Variants in GALNT13 observed in about 807,000 individuals in gnomAD.
The protein encoded by GALNT13 is UDP-GalNAc:polypeptide N-acetylgalactosaminyltransferase 13.
In GALNT13, 28 loss-of-function variants were observed where a neutral mutation model predicts 64.2. That is an observed-to-expected ratio of 0.44 (90% CI 0.32 to 0.60). The LOEUF is 0.60. GALNT13 is among the 20% of genes least tolerant of loss of function. GALNT13 has a pLI of 0.05. For synonymous variants in GALNT13, 214 were observed against 224.6 expected, an observed-to-expected ratio of 0.95 and a Z score of 0.42; for missense variants, 577 against 669.8, an observed-to-expected ratio of 0.86 and a Z score of 1.53.
intron 12 of GALNT13, among the ~76,000 whole-genome samples, chr2:154,449,056 G>A (rs948601034): frequency 4.6e-5 from 7 of 151,818 alleles, no homozygotes; most frequent in African/African-American, 1.5e-4. Context: ...CTGGCTACTG[G>A]TTGAATTTCT....
At chr2:154,003,702 G>A (rs866954809) in intron 3 of GALNT13, among the ~76,000 whole-genome samples, 3 of 152,084 alleles carry the variant, frequency 2.0e-5, no homozygotes, top group African/African-American at 7.2e-5. Flanking sequence ...CAGGTGATTG[G>A]ATCATAGGGG....
chr2:154,164,856 T>G (rs185860908), intron 4 of GALNT13, among the ~76,000 whole-genome samples: 41 of 152,130 alleles, frequency 2.7e-4, no homozygotes, highest in Non-Finnish European at 5.4e-4. Context: ...AAAAAACAAG[T>G]TTTTGGTTTA....
At chr2:154,034,823 G>A (rs1207897114) in intron 3 of GALNT13, among the ~76,000 whole-genome samples, 3 of 139,968 alleles carry the variant, frequency 2.1e-5, no homozygotes, top group East Asian at 2.0e-4. Context: ...GCTCAACACC[G>A]CTAATCACAG....
chr2:153,254,030 T>C, the GALNT13 span, among the ~76,000 whole-genome samples: 2 of 152,172 alleles, frequency 1.3e-5, no homozygotes, highest in Non-Finnish European at 2.9e-5. Context: ...TTGGAATAAT[T>C]TCAGAAGGAA....
chr2:153,409,300 A>ATG, the GALNT13 span, among the ~76,000 whole-genome samples: 1 of 144,092 alleles, frequency 6.9e-6, no homozygotes, highest in African/African-American at 2.7e-5. Flanking sequence ...ATATGTATGT[A>ATG]TATATATATA....
chr2:154,075,542 A>G (rs1700944194), intron 3 of GALNT13, among the ~76,000 whole-genome samples: 1 of 151,828 alleles, frequency 6.6e-6, no homozygotes, highest in Non-Finnish European at 1.5e-5. Context: ...AATTCCTGTC[A>G]TTGTTGATCA....
chr2:154,097,764 G>A (rs184435288), intron 3 of GALNT13, among the ~76,000 whole-genome samples: 265 of 151,978 alleles, frequency 1.7e-3, no homozygotes, highest in Middle Eastern at 0.01. Context: ...CTTAAGAAAC[G>A]TCCATTACTA....
chr2:153,937,133 A>G (rs1303525288), intron 2 of GALNT13, among the ~76,000 whole-genome samples: 2 of 152,224 alleles, frequency 1.3e-5, no homozygotes, highest in Non-Finnish European at 2.9e-5. Context: ...ACACCTAGGT[A>G]TATACCCACG....
At chr2:154,229,727 CAGCTA>C (rs1688815374) in intron 4 of GALNT13, among the ~76,000 whole-genome samples, 1 of 151,976 alleles carries the variant, frequency 6.6e-6, no homozygotes, top group Admixed American at 6.6e-5. Flanking sequence ...AGGCATTCTA[CAGCTA>C]GAAAGAGTTA....
the GALNT13 span, among the ~76,000 whole-genome samples, chr2:153,493,968 G>C: frequency 6.6e-6 from 1 of 151,802 alleles, no homozygotes; most frequent in African/African-American, 2.4e-5. Context: ...TACAAGCACG[G>C]CTCCACCATC....
At chr2:153,497,913 A>G in the GALNT13 span, among the ~76,000 whole-genome samples, 1 of 152,222 alleles carries the variant, frequency 6.6e-6, no homozygotes, top group Admixed American at 6.5e-5. Context: ...TTTGGAAAAG[A>G]AAGAGTCAAT....
chr2:153,758,302 GTTT>G, the GALNT13 span, among the ~76,000 whole-genome samples: 1 of 143,122 alleles, frequency 7.0e-6, no homozygotes, highest in Non-Finnish European at 1.5e-5. Context: ...AATAAATGGG[GTTT>G]TTTTTTTTTT....
chr2:153,281,173 A>G, the GALNT13 span, among the ~76,000 whole-genome samples: 1 of 152,142 alleles, frequency 6.6e-6, no homozygotes, highest in Non-Finnish European at 1.5e-5. Context: ...TGATATAAGA[A>G]TAGTGACTCC....
At chr2:153,309,374 C>T in the GALNT13 span, among the ~76,000 whole-genome samples, 1 of 152,082 alleles carries the variant, frequency 6.6e-6, no homozygotes. Flanking sequence ...AGTCCTGTCC[C>T]CTTCTCTAGA....
At chr2:154,100,993 T>C (rs1305645246) in intron 3 of GALNT13, among the ~76,000 whole-genome samples, 1 of 152,164 alleles carries the variant, frequency 6.6e-6, no homozygotes, top group Non-Finnish European at 1.5e-5. Context: ...ATCTTATTTA[T>C]GTTGTGAATC....
the GALNT13 span, among the ~76,000 whole-genome samples, chr2:153,222,979 G>A: frequency 6.6e-6 from 1 of 152,244 alleles, no homozygotes; most frequent in Non-Finnish European, 1.5e-5. Flanking sequence ...TCGGTGAGGG[G>A]GGTGTGACTT....
the GALNT13 span, among the ~76,000 whole-genome samples, chr2:153,568,393 A>G: frequency 6.6e-6 from 1 of 152,128 alleles, no homozygotes; most frequent in South Asian, 2.1e-4. Context: ...CAAAGCTGCT[A>G]TTCTGTATAT....
chr2:154,429,282 A>C (rs1306922179), intron 11 of GALNT13, among the ~76,000 whole-genome samples: 1 of 152,212 alleles, frequency 6.6e-6, no homozygotes, highest in Admixed American at 6.5e-5. Flanking sequence ...AAACAGCTGG[A>C]AAAATAGTGA....
chr2:153,972,926 ATAAAGG>A, intron 3 of GALNT13, among the ~76,000 whole-genome samples: 1 of 152,096 alleles, frequency 6.6e-6, no homozygotes, highest in East Asian at 1.9e-4. Context: ...AAAGAATGAT[ATAAAGG>A]TAGTCATTGA....
Sources: gnomAD v4.1 joint callset for allele counts (sites outside exome capture counted in the v4.1 genomes callset) on GRCh38, gnomAD v4.1.1 for gene constraint, MANE v1.5 for transcripts, NCBI Gene and HGNC (gene_info 2026-07-23, HGNC 2026-07-21) for gene names.